METTL13: variants seen among roughly 807,000 people sequenced by gnomAD.
METTL13 encodes the protein eEF1A lysine and N-terminal methyltransferase.
A neutral mutation model predicts 67.4 loss-of-function variants in METTL13; 52 were observed. The observed-to-expected ratio is 0.77, with a 90% CI of 0.62 to 0.97. The LOEUF (loss-of-function observed/expected upper bound fraction) is 0.97, where lower values mean the gene tolerates loss of function less well. Ranked by LOEUF, METTL13 falls within the 50% of genes least tolerant of loss-of-function variation. METTL13 has a pLI of 0.00. For synonymous variants in METTL13, 354 were observed against 353.6 expected (o/e 1.00, Z -0.01); for missense variants, 825 against 889.6 (o/e 0.93, Z 0.92).
chr1:171,796,363 G>T, intron 7 of METTL13, 119 bp from the exon 8 acceptor site: 3 of 1,198,256 alleles, frequency 2.5e-6, no homozygotes, highest in Non-Finnish European at 2.4e-6. Flanking sequence ...CATCACCACC[G>T]TGTGTTTTAG....
intron 2 of METTL13, among the ~76,000 whole-genome samples, chr1:171,785,113 G>C (rs997954567): frequency 2.6e-5 from 4 of 152,198 alleles, no homozygotes; most frequent in African/African-American, 9.7e-5. Context: ...GTTGTGAGAA[G>C]TATAAAAGCT....
In METTL13 at chr1:171,790,621, G is replaced by GA; in HGVS notation, c.1474+6dup. 1 of 1,527,572 alleles carries GA rather than the reference G, an allele frequency of 6.5e-7. No homozygotes were observed. The highest frequency in any genetic ancestry group is 8.8e-7 in the Non-Finnish European group (1 of 1,139,440). 94.6% of individuals were successfully genotyped at this position (1,527,572 alleles called of 1,614,324 possible). A position where few individuals can be genotyped will look rare whatever the true frequency, so the allele number is the denominator to read the frequency against. On this transcript the variant is annotated splice_donor_region_variant and intron_variant, in intron 5 of 7. Transcript: ENST00000361735. ...GAAACCCAGAGCTACTCCTAGGTGAGAGAGATGCCACTGCCTTCCACAGAA... is the reference window on the plus strand; with the variant it reads ...GAAACCCAGAGCTACTCCTAGGTGAGAAGAGATGCCACTGCCTTCCACAGAA...
Position 171,784,005 on chromosome 1 carries a change from A to G in METTL13, c.419A>G (p.Asp140Gly). Residue 140 changes from aspartate (D) to glycine (G), a missense_variant, in exon 2 of 8, where the codon GAC becomes GGC. By Grantham distance (94) the Asp-to-Gly change is moderately conservative (BLOSUM62 -1). Coordinates refer to ENST00000361735, the MANE Select transcript of METTL13 (RefSeq NM_015935.5). ...DEEEKTLQQV[D>G]RMLAEVGRVL... Reference sequence around the variant, plus strand: ...GAAGAGAAGACCTTACAACAGGTGGACAGGATGCTGGCTGAGGTTGGCCGT... The same window carrying G: ...GAAGAGAAGACCTTACAACAGGTGGGCAGGATGCTGGCTGAGGTTGGCCGT... 6.2e-7 allele frequency: 1 copy of G among 1,614,226 alleles called. No homozygotes were observed. The highest frequency in any genetic ancestry group is 8.5e-7 in the Non-Finnish European group (1 of 1,180,038).
At chr1:171,790,363 T>C in intron 4 of METTL13, 89 bp from the exon 5 acceptor site, 1 of 1,347,438 alleles carries the variant, frequency 7.4e-7, no homozygotes, top group Non-Finnish European at 9.7e-7. Context: ...CTTTTGAGTG[T>C]TCAAGCCATC....
chr1:171,781,844 T>C lies in METTL13; in HGVS notation c.-124T>C. ...GAGTGGGGGAACAAATCAATGTGGC[T>C]GTTTTTCCGTGGAAAGAATTCCCAC... is the stretch of plus-strand genomic sequence containing the variant. On this transcript the variant is annotated 5_prime_UTR_variant, in exon 1 of 8. Coordinates refer to ENST00000361735, the MANE Select transcript of METTL13 (RefSeq NM_015935.5). 1 of 1,514,454 alleles carries C rather than the reference T, an allele frequency of 6.6e-7. No homozygotes were observed. Among genetic ancestry groups the C allele is most frequent in the Non-Finnish European group, 8.8e-7 (1 of 1,132,544 alleles). The allele number at this position is 1,514,454 out of a possible 1,614,324, so 93.8% of individuals were successfully genotyped here.
chr1:171,781,852 C>G lies in METTL13; in HGVS notation c.-116C>G, dbSNP rs1041336974. 6.6e-7 allele frequency: 1 copy of G among 1,521,224 alleles called. No individual in the cohort carries two copies. Among genetic ancestry groups the G allele is most frequent in the Admixed American group, 2.2e-5 (1 of 45,854 alleles). The allele number at this position is 1,521,224 out of a possible 1,614,324, so 94.2% of individuals were successfully genotyped here. A position where few individuals can be genotyped will look rare whatever the true frequency, so the allele number is the denominator to read the frequency against. ...GAACAAATCAATGTGGCTGTTTTTC[C>G]GTGGAAAGAATTCCCACTGCAGTGT... On this transcript the variant is annotated 5_prime_UTR_variant, in exon 1 of 8. Transcript: ENST00000361735.
At chr1:171,796,159 G>T (rs1657367180) in intron 7 of METTL13, among the ~76,000 whole-genome samples, 1 of 152,180 alleles carries the variant, frequency 6.6e-6, no homozygotes, top group African/African-American at 2.4e-5. Flanking sequence ...GAGCCACCGT[G>T]CCCAGCTGGG....
intron 4 of METTL13, among the ~76,000 whole-genome samples, chr1:171,789,589 AGAAG>A (rs1423189794): frequency 1.3e-4 from 20 of 152,228 alleles, no homozygotes; most frequent in Non-Finnish European, 2.4e-4. Flanking sequence ...TAAGGTTGTT[AGAAG>A]AGCTAAAAAA....
chr1:171,782,118 A>G lies in METTL13; in HGVS notation c.151A>G (p.Lys51Glu), dbSNP rs773393140. The change falls in exon 1 of 8, where the codon AAG (lysine) becomes GAG (glutamate). Residue 51 changes from lysine (K) to glutamate (E), a missense_variant and splice_region_variant. Transcript: ENST00000361735. ...ACATAAATATATCAAGCCCAGGGAA[A>G]AGGTGAGGAGCGCGGGTTGGTAGCC... ...VLHKYIKPRE[K>E]VLVIGCGNSE... 5.6e-6 allele frequency: 9 copies of G among 1,613,474 alleles called. No individual in the cohort carries two copies. The highest frequency in any genetic ancestry group is 7.6e-6 in the Non-Finnish European group (9 of 1,179,630).
At chr1:171,795,455 G>C (rs768363584) in intron 7 of METTL13, among the ~76,000 whole-genome samples, 2 of 152,222 alleles carry the variant, frequency 1.3e-5, no homozygotes, top group Non-Finnish European at 2.9e-5. Flanking sequence ...TTTACAAAGT[G>C]GTTGTAGCAG....
Position 171,792,034 on chromosome 1 carries a change from T to G in METTL13, c.1492T>G (p.Leu498Val), listed in dbSNP as rs1469778094. 6.2e-7 allele frequency: 1 copy of G among 1,612,746 alleles called. No homozygotes were observed. Reference protein sequence around the residue: ...ELLLEIPLALLVVGLGGGSLP... With the variant: ...ELLLEIPLALVVVGLGGGSLP... ...TCTTACAGAGATCCCACTGGCATTG[T>G]TGGTGGTAGGCCTGGGCGGGGGCAG... Residue 498 changes from leucine to valine, a missense_variant, in exon 6 of 8, where the codon TTG becomes GTG. Physicochemically the swap from Leu to Val is conservative, Grantham distance 32. Coordinates refer to ENST00000361735, the MANE Select transcript of METTL13 (RefSeq NM_015935.5).
At position 171,785,296 on chromosome 1, in the gene METTL13, C is replaced by T. The variant is rs12034454; in HGVS notation, c.914-583C>T. Among the ~76,000 whole-genome samples the T allele has an allele frequency of 7.6e-3, 1,148 of 152,052 alleles. 18 individuals are homozygous for T. Among genetic ancestry groups the T allele is most frequent in the African/African-American group, 0.026 (1,095 of 41,476 alleles). ...CAAAGTGTTTATGGTCTTGGTGTTA[C>T]GGTAATTTGTTTCCTGGTGACTGAG... On this transcript the variant is annotated intron_variant, in intron 2 of 7. Coordinates refer to ENST00000361735, the MANE Select transcript of METTL13 (RefSeq NM_015935.5).
chr1:171,794,468 C>T lies in METTL13; in HGVS notation c.1766C>T (p.Pro589Leu), dbSNP rs1657302318. ...KDPTLGMSCP[P>L]PAFVEQSFLQ... is the part of the protein sequence containing the mutation. ...CCAACACTGGGAATGAGTTGTCCGCCCCCAGCATTTGTGGAGCAATCTTTT... is the reference window on the plus strand; with the variant it reads ...CCAACACTGGGAATGAGTTGTCCGCTCCCAGCATTTGTGGAGCAATCTTTT... Residue 589 changes from proline (P) to leucine (L), a missense_variant, in exon 7 of 8, where the codon CCC (proline) becomes CTC (leucine). Physicochemically the swap from Pro to Leu is moderately conservative, Grantham distance 98. Coordinates refer to ENST00000361735, the MANE Select transcript of METTL13 (RefSeq NM_015935.5). 6.2e-7 allele frequency: 1 copy of T among 1,614,060 alleles called. No homozygotes were observed. Among genetic ancestry groups the T allele is most frequent in the Non-Finnish European group, 8.5e-7 (1 of 1,180,036 alleles).
At chr1:171,787,701 G>A (rs763482104) in intron 3 of METTL13, 34 bp from the exon 4 acceptor site, 2 of 1,585,762 alleles carry the variant, frequency 1.3e-6, no homozygotes, top group African/African-American at 2.7e-5. Context: ...TAAATGAGCT[G>A]CTGTTTTGAC....
At chr1:171,796,279 AGTTT>A (rs1657372397) in intron 7 of METTL13, among the ~76,000 whole-genome samples, 199 bp from the exon 8 acceptor site, 3 of 152,134 alleles carry the variant, frequency 2.0e-5, no homozygotes, top group Non-Finnish European at 4.4e-5. Flanking sequence ...ATAAGGCTGG[AGTTT>A]GTTTATGGCT....
intron 2 of METTL13, 86 bp from the exon 3 acceptor site, chr1:171,785,793 G>A: frequency 7.2e-7 from 1 of 1,381,208 alleles, no homozygotes. Context: ...GTCTTGGACA[G>A]GGACTGGCTC....
intron 1 of METTL13, among the ~76,000 whole-genome samples, chr1:171,782,598 G>A (rs1476548520): frequency 2.6e-5 from 4 of 151,756 alleles, no homozygotes; most frequent in Admixed American, 2.6e-4. Flanking sequence ...AAGGTTTTCA[G>A]ATAATAGACC....
At chr1:171,786,156 G>A (rs1657003264) in intron 3 of METTL13, 78 bp downstream of exon 3, 8 of 1,455,988 alleles carry the variant, frequency 5.5e-6, no homozygotes, top group Non-Finnish European at 7.4e-6. Flanking sequence ...AGCCTTGGCA[G>A]GAGCTAGGAC....
At chr1:171,789,882 A>T (rs920420716) in intron 4 of METTL13, among the ~76,000 whole-genome samples, 1 of 152,130 alleles carries the variant, frequency 6.6e-6, no homozygotes, top group African/African-American at 2.4e-5. Flanking sequence ...AGTGTTTATC[A>T]GTTCTCTAGT....
Sources: allele counts gnomAD v4.1 joint callset (sites outside exome capture counted in the v4.1 genomes callset), GRCh38; gene constraint gnomAD v4.1.1; transcripts MANE v1.5; gene names NCBI Gene and HGNC (gene_info 2026-07-23, HGNC 2026-07-21).